Variants in MAGI1 observed in about 807,000 individuals in gnomAD.
MAGI1 encodes membrane associated guanylate kinase, WW and PDZ domain containing 1, also known as membrane-associated guanylate kinase, WW and PDZ domain-containing protein 1.
In MAGI1, 58 loss-of-function variants were observed where a neutral mutation model predicts 139.9. The ratio of observed to expected loss-of-function variants is 0.41; its 90% CI spans 0.34 to 0.52. MAGI1 has a LOEUF of 0.52. Ranked by LOEUF, MAGI1 falls within the 20% of genes least tolerant of loss-of-function variation. The pLI is 0.12. For synonymous variants in MAGI1, 812 were observed against 737.9 expected, an observed-to-expected ratio of 1.10 and a Z score of -1.63; for missense variants, 1,874 against 1,901.6, an observed-to-expected ratio of 0.99 and a Z score of 0.27.
At chr3:65,473,561 G>C (rs996754783) in intron 4 of MAGI1, among the ~76,000 whole-genome samples, 1 of 141,856 alleles carries the variant, frequency 7.0e-6, no homozygotes, top group Non-Finnish European at 1.5e-5. Context: ...ATAGAAACTG[G>C]ATATAACAGG....
intron 1 of MAGI1, among the ~76,000 whole-genome samples, chr3:65,976,832 T>G (rs1163432918): frequency 1.2e-4 from 19 of 152,194 alleles, no homozygotes; most frequent in Non-Finnish European, 2.8e-4. Context: ...TCATCGTAAA[T>G]TAGCAGAAGC....
chr3:66,032,361 C>T (rs1354704634), intron 1 of MAGI1, among the ~76,000 whole-genome samples: 1 of 150,634 alleles, frequency 6.6e-6, no homozygotes, highest in African/African-American at 2.4e-5. Flanking sequence ...CAGGCGCCCA[C>T]CACCACGCCC....
chr3:65,798,299 A>C (rs970020522), intron 1 of MAGI1, among the ~76,000 whole-genome samples: 1 of 151,936 alleles, frequency 6.6e-6, no homozygotes, highest in Non-Finnish European at 1.5e-5. Flanking sequence ...GCGAGACTCC[A>C]TCTCAAAACA....
At chr3:65,436,371 A>G (rs1213929317) in intron 10 of MAGI1, among the ~76,000 whole-genome samples, 1 of 152,202 alleles carries the variant, frequency 6.6e-6, no homozygotes, top group East Asian at 1.9e-4. Flanking sequence ...AAAACTAAAC[A>G]CAAATATTTT....
chr3:65,939,778 T>C (rs1190900321), intron 1 of MAGI1, among the ~76,000 whole-genome samples: 1 of 152,082 alleles, frequency 6.6e-6, no homozygotes, highest in Non-Finnish European at 1.5e-5. Context: ...CTCATGAGGG[T>C]TTGAGTCTAA....
chr3:65,839,808 A>C (rs1047124898), intron 1 of MAGI1, among the ~76,000 whole-genome samples: 2 of 152,210 alleles, frequency 1.3e-5, no homozygotes, highest in South Asian at 2.1e-4. Flanking sequence ...AGATGAAAAA[A>C]TAAGTTATGA....
chr3:65,472,222 G>T (rs888950441), intron 4 of MAGI1, among the ~76,000 whole-genome samples: 1 of 152,038 alleles, frequency 6.6e-6, no homozygotes, highest in African/African-American at 2.4e-5. Context: ...AACCCGGCAA[G>T]AATTAAAGGA....
intron 2 of MAGI1, among the ~76,000 whole-genome samples, chr3:65,572,785 G>A (rs955366502): frequency 4.0e-5 from 6 of 151,684 alleles, no homozygotes; most frequent in Non-Finnish European, 8.8e-5. Context: ...GCCCATAGCA[G>A]GTCCAGGATT....
chr3:65,719,051 G>A (rs975265334), intron 1 of MAGI1, among the ~76,000 whole-genome samples: 4 of 136,930 alleles, frequency 2.9e-5, no homozygotes, highest in Admixed American at 7.2e-5. Flanking sequence ...CAAAGCAAAC[G>A]CCCTAAATTG....
At chr3:65,803,409 A>G (rs1386473900) in intron 1 of MAGI1, among the ~76,000 whole-genome samples, 2 of 152,182 alleles carry the variant, frequency 1.3e-5, no homozygotes, top group Non-Finnish European at 2.9e-5. Flanking sequence ...CTATAAATAA[A>G]AGATAGACTT....
chr3:65,912,959 T>C (rs1243527710), intron 1 of MAGI1, among the ~76,000 whole-genome samples: 2 of 152,190 alleles, frequency 1.3e-5, no homozygotes, highest in Non-Finnish European at 2.9e-5. Context: ...TTTATCTAGT[T>C]TGATCTCTTT....
intron 1 of MAGI1, among the ~76,000 whole-genome samples, chr3:65,962,121 T>C (rs2064461276): frequency 7.8e-6 from 1 of 128,604 alleles, no homozygotes; most frequent in Non-Finnish European, 1.6e-5. Flanking sequence ...AATCTGATTG[T>C]ATTTTTTTTT....
intron 1 of MAGI1, among the ~76,000 whole-genome samples, chr3:65,780,321 G>C (rs2038830036): frequency 6.6e-6 from 1 of 152,156 alleles, no homozygotes; most frequent in Non-Finnish European, 1.5e-5. Context: ...ATCACGCCCA[G>C]CCTATGCTGT....
intron 2 of MAGI1, among the ~76,000 whole-genome samples, chr3:65,541,008 A>C (rs1190468901): frequency 6.6e-6 from 1 of 152,224 alleles, no homozygotes; most frequent in Non-Finnish European, 1.5e-5. Context: ...TAATCAGGCA[A>C]GACATAAAAA....
intron 1 of MAGI1, among the ~76,000 whole-genome samples, chr3:65,692,757 T>A (rs112796250): frequency 4.1e-4 from 63 of 152,236 alleles, no homozygotes; most frequent in Non-Finnish European, 7.2e-4. Flanking sequence ...GTCATGAGAC[T>A]GAGTCTGTTA....
Position 66,038,212 on chromosome 3 carries a change from G to A in MAGI1, c.97C>T (p.Leu33=). The A allele has an allele frequency of 6.2e-7, 1 of 1,612,052 alleles. No individual in the cohort carries two copies. Among genetic ancestry groups the A allele is most frequent in the Non-Finnish European group, 8.5e-7 (1 of 1,179,656 alleles). ...GPQGELGVTV[L]GGAEHGEFPY... ...AACTCCCCGTGCTCCGCGCCTCCCAGCACCGTCACCCCCAGCTCGCCCTGG... is the reference window on the plus strand; with the variant it reads ...AACTCCCCGTGCTCCGCGCCTCCCAACACCGTCACCCCCAGCTCGCCCTGG... The change falls in exon 1 of 23, where the codon CTG becomes TTG. Residue 33 remains leucine, a synonymous_variant. Transcript: ENST00000402939.
chr3:65,635,880 T>C (rs571793895), intron 1 of MAGI1, among the ~76,000 whole-genome samples: 10 of 152,242 alleles, frequency 6.6e-5, no homozygotes, highest in East Asian at 1.9e-4. Context: ...CTGACCTACA[T>C]TGGGAAATCT....
intron 2 of MAGI1, among the ~76,000 whole-genome samples, chr3:65,530,749 A>ACACGTG (rs1376530076): frequency 3.4e-5 from 2 of 58,650 alleles, no homozygotes; most frequent in African/African-American, 5.7e-5. Context: ...ATGCACATAT[A>ACACGTG]TATACACGTA....
chr3:65,598,776 G>T (rs1371636114), intron 2 of MAGI1, among the ~76,000 whole-genome samples: 1 of 152,162 alleles, frequency 6.6e-6, no homozygotes, highest in African/African-American at 2.4e-5. Context: ...TGGCAAAGCT[G>T]CCTCTTTAAA....
Sources: gnomAD v4.1 joint callset for allele counts (sites outside exome capture counted in the v4.1 genomes callset) on GRCh38, gnomAD v4.1.1 for gene constraint, MANE v1.5 for transcripts, NCBI Gene and HGNC (gene_info 2026-07-23, HGNC 2026-07-21) for gene names.